The following NOCT variants were observed in gnomAD, a reference collection of about 807,000 sequenced individuals.
NOCT encodes CCR4 carbon catabolite repression 4-like.
NOCT carries 18 observed loss-of-function variants against 35.0 expected under a neutral mutation model. The ratio of observed to expected loss-of-function variants is 0.51; its 90% confidence interval spans 0.36 to 0.76. The LOEUF is 0.76. Among genes scored for constraint, NOCT ranks in the 30% least tolerant of loss-of-function variants. The pLI is 0.01. For missense variants in NOCT, 479 were observed against 541.0 expected, an observed-to-expected ratio of 0.89 and a Z score of 1.14; for synonymous variants, 235 against 226.3, an observed-to-expected ratio of 1.04 and a Z score of -0.34.
intron 2 of NOCT, among the ~76,000 whole-genome samples, chr4:139,044,277 C>T (rs900799536): frequency 6.6e-6 from 1 of 151,554 alleles, no homozygotes; most frequent in Admixed American, 6.6e-5. Flanking sequence ...AAAACTAATA[C>T]TTGGTGTTAA....
At chr4:139,035,862 G>C (rs373238126) in intron 1 of NOCT, among the ~76,000 whole-genome samples, 4 of 152,084 alleles carry the variant, frequency 2.6e-5, no homozygotes, top group African/African-American at 9.6e-5. Context: ...AGCTTGCCAC[G>C]CATGTTCCTC....
intron 1 of NOCT, among the ~76,000 whole-genome samples, chr4:139,037,483 T>C (rs1726756013): frequency 6.6e-6 from 1 of 152,142 alleles, no homozygotes; most frequent in Non-Finnish European, 1.5e-5. Flanking sequence ...TTGCCCAGGC[T>C]GGTCTCGAAC....
intron 1 of NOCT, among the ~76,000 whole-genome samples, chr4:139,039,839 T>C (rs1726803454): frequency 6.6e-6 from 1 of 152,040 alleles, no homozygotes; most frequent in Non-Finnish European, 1.5e-5. Context: ...GCGATTCTCC[T>C]GCCTCACCCT....
intron 1 of NOCT, among the ~76,000 whole-genome samples, chr4:139,025,134 G>C (rs972421219): frequency 6.6e-6 from 1 of 152,180 alleles, no homozygotes; most frequent in African/African-American, 2.4e-5. Context: ...ACCTTTGCAA[G>C]CCATTCTAAG....
chr4:139,030,331 A>G (rs1442431284), intron 1 of NOCT, among the ~76,000 whole-genome samples: 1 of 152,324 alleles, frequency 6.6e-6, no homozygotes, highest in Middle Eastern at 3.4e-3. Flanking sequence ...AAAATGCTCC[A>G]CCAATAAAAG....
rs1005479836 is a variant in NOCT at position 139,015,869 on chromosome 4, C to T, written c.-113C>T. 4.7e-6 allele frequency: 4 copies of T among 852,294 alleles called. No individual in the cohort carries two copies. Among genetic ancestry groups the T allele is most frequent in the Non-Finnish European group, 6.2e-6 (4 of 644,956 alleles). The allele number at this position is 852,294 out of a possible 1,614,324, so 52.8% of individuals were successfully genotyped here. ...GAACCTGCGCCGCGCGAGAAGGAGC[C>T]TGGGAGCATCCGCCCACACTGCCCG... On this transcript the variant is annotated 5_prime_UTR_variant, in exon 1 of 3. Coordinates refer to ENST00000280614, the MANE Select transcript of NOCT (RefSeq NM_012118.4).
At chr4:139,038,393 G>C (rs923300965) in intron 1 of NOCT, among the ~76,000 whole-genome samples, 1 of 151,934 alleles carries the variant, frequency 6.6e-6, no homozygotes, top group Non-Finnish European at 1.5e-5. Context: ...CCACCAAGAG[G>C]ATCTCAGGCC....
chr4:139,037,930 G>A (rs1358502533), intron 1 of NOCT, among the ~76,000 whole-genome samples: 3 of 151,806 alleles, frequency 2.0e-5, no homozygotes, highest in Admixed American at 2.0e-4. Context: ...GCTGGATGTG[G>A]TGGCTCACGC....
chr4:139,042,990 C>A, intron 1 of NOCT, 84 bp from the exon 2 acceptor site: 1 of 1,254,128 alleles, frequency 8.0e-7, no homozygotes. Context: ...TTTCGGTGGA[C>A]AGTAAATGTT....
chr4:139,017,217 A>G (rs1395136146), intron 1 of NOCT, among the ~76,000 whole-genome samples: 1 of 148,414 alleles, frequency 6.7e-6, no homozygotes, highest in Non-Finnish European at 1.5e-5. Context: ...AAACTAGGCA[A>G]TACATAACTT....
intron 1 of NOCT, among the ~76,000 whole-genome samples, chr4:139,021,478 C>CGTG (rs745912503): frequency 9.9e-5 from 15 of 151,366 alleles, no homozygotes; most frequent in South Asian, 4.2e-4. Flanking sequence ...ATGAGCTGGG[C>CGTG]GTGGTGGCAC....
intron 1 of NOCT, among the ~76,000 whole-genome samples, chr4:139,033,288 C>CG (rs1272728893): frequency 6.6e-5 from 10 of 151,196 alleles, no homozygotes; most frequent in East Asian, 3.9e-4. Context: ...TGCTTGAACC[C>CG]GGGGGGGCGG....
intron 2 of NOCT, among the ~76,000 whole-genome samples, chr4:139,044,132 A>T (rs1326771285): frequency 6.8e-6 from 1 of 147,336 alleles, no homozygotes; most frequent in African/African-American, 2.5e-5. Flanking sequence ...CAAGGGCCTG[A>T]TTTTTTTTTT....
At chr4:139,038,992 T>C (rs932667937) in intron 1 of NOCT, among the ~76,000 whole-genome samples, 1 of 152,068 alleles carries the variant, frequency 6.6e-6, no homozygotes, top group African/African-American at 2.4e-5. Flanking sequence ...GTCCTGTTAA[T>C]GTATTCGTGA....
At chr4:139,024,690 C>T (rs897532277) in intron 1 of NOCT, among the ~76,000 whole-genome samples, 1 of 152,124 alleles carries the variant, frequency 6.6e-6, no homozygotes, top group African/African-American at 2.4e-5. Flanking sequence ...CAACCTGGTT[C>T]AAGCACTCCT....
chr4:139,039,343 T>C (rs1726793738), intron 1 of NOCT, among the ~76,000 whole-genome samples: 1 of 135,852 alleles, frequency 7.4e-6, no homozygotes, highest in Non-Finnish European at 1.6e-5. Flanking sequence ...ACATAAAACA[T>C]TGCAGTTGAA....
At position 139,016,137 on chromosome 4, in the gene NOCT, G is replaced by T. The variant is rs796396566; in HGVS notation, c.156G>T (p.Ala52=). The change falls in exon 1 of 3, where the codon GCG becomes GCT. Residue 52 remains alanine (A), a synonymous_variant. Transcript: ENST00000280614. ...ASPRLLAAAS[A]ASGAARSCSR... ...CCCGGCTGCTGGCGGCGGCCTCGGC[G>T]GCCTCGGGCGCCGCGAGGTCGTGTT... is the stretch of plus-strand genomic sequence containing the variant. 4.7e-6 allele frequency: 6 copies of T among 1,282,174 alleles called. No individual in the cohort carries two copies. In the African/African-American group the frequency reaches 9.3e-5, roughly 20 times the overall value. The allele number at this position is 1,282,174 out of a possible 1,614,324, so 79.4% of individuals were successfully genotyped here. A position where few individuals can be genotyped will look rare whatever the true frequency, so the allele number is the denominator to read the frequency against.
chr4:139,017,999 CT>C (rs1434622182), intron 1 of NOCT, among the ~76,000 whole-genome samples: 1 of 151,970 alleles, frequency 6.6e-6, no homozygotes, highest in Non-Finnish European at 1.5e-5. Flanking sequence ...CCATGCCCAA[CT>C]TAGTCATTTT....
intron 1 of NOCT, among the ~76,000 whole-genome samples, chr4:139,016,573 C>T (rs1726307833): frequency 7.0e-6 from 1 of 143,724 alleles, no homozygotes; most frequent in South Asian, 2.1e-4. Context: ...GCTTATATAG[C>T]TTTCATGGTC....
Sources: allele counts gnomAD v4.1 joint callset (sites outside exome capture counted in the v4.1 genomes callset), GRCh38; gene constraint gnomAD v4.1.1; transcripts MANE v1.5; gene names NCBI Gene and HGNC (gene_info 2026-07-23, HGNC 2026-07-21).